The following NELFA variants were observed in gnomAD, a reference collection of about 807,000 sequenced individuals.
NELFA encodes the protein negative elongation factor complex member A.
A neutral mutation model predicts 51.8 loss-of-function variants in NELFA; 35 were observed. The observed-to-expected ratio is 0.68, with a 90% confidence interval of 0.52 to 0.90. NELFA has a LOEUF of 0.90. Ranked by LOEUF, NELFA falls within the 40% of genes least tolerant of loss-of-function variation. The pLI is 0.00. For missense variants in NELFA, 658 were observed against 746.4 expected (o/e 0.88, Z 1.38); for synonymous variants, 417 against 338.4 (o/e 1.23, Z -2.55).
intron 1 of NELFA, among the ~76,000 whole-genome samples, chr4:1,996,950 T>TA (rs147392757): frequency 0.023 from 3,422 of 150,758 alleles, 124 homozygotes; most frequent in African/African-American, 0.079. Flanking sequence ...ACAAAAAATT[T>TA]AAAAAAAAAG....
chr4:1,994,578 G>A (rs538210568), intron 1 of NELFA, among the ~76,000 whole-genome samples: 14 of 150,440 alleles, frequency 9.3e-5, no homozygotes, highest in South Asian at 2.1e-4. Context: ...AAAAAAAGCC[G>A]GGCATGGTGG....
At chr4:1,990,723 G>A (rs1315963169) in intron 2 of NELFA, among the ~76,000 whole-genome samples, 1 of 152,254 alleles carries the variant, frequency 6.6e-6, no homozygotes, top group Admixed American at 6.5e-5. Context: ...AGTTCCAATT[G>A]TCCAAAGCAG....
chr4:1,987,907 G>A lies in NELFA; in HGVS notation c.634+11C>T. The A allele has an allele frequency of 1.3e-6, 2 of 1,597,164 alleles. No individual in the cohort carries two copies. The highest frequency in any genetic ancestry group is 1.7e-6 in the Non-Finnish European group (2 of 1,173,096). On this transcript the variant is annotated intron_variant, in intron 4 of 10. Transcript: ENST00000382882. ...AAAGCAAGGCTCACGGCACCAGGGT[G>A]GGGGCCTTACTGGTGGTGTCCATCT...
intron 1 of NELFA, chr4:2,008,035 G>C: frequency 4.4e-6 from 2 of 456,938 alleles, no homozygotes; most frequent in Non-Finnish European, 8.8e-6. Flanking sequence ...GAGCGCTCCG[G>C]ACGGCCGGGG....
rs1193045147 is a variant in NELFA, at chr4:1,986,374, C to T, written c.663G>A (p.Ala221=). Residue 221 remains alanine, a synonymous_variant, in exon 5 of 11, where the codon GCG becomes GCA. Transcript: ENST00000382882. The part of the protein sequence containing the change: ...TTPLKGIPKQ[A]PFRSPTAPSV... ...TGGGCGCCGTGGGGCTTCTGAAGGGCGCCTGCTTCGGGATGCCTTTGAGTG... is the reference window on the plus strand; with the variant it reads ...TGGGCGCCGTGGGGCTTCTGAAGGGTGCCTGCTTCGGGATGCCTTTGAGTG... 8.1e-6 allele frequency: 13 copies of T among 1,610,818 alleles called. No individual in the cohort carries two copies. Among genetic ancestry groups the T allele is most frequent in the East Asian group, 4.5e-5 (2 of 44,770 alleles).
chr4:1,991,191 C>T (rs1728257671), intron 2 of NELFA, among the ~76,000 whole-genome samples: 1 of 152,208 alleles, frequency 6.6e-6, no homozygotes. Flanking sequence ...TACTCTGGGC[C>T]AGGGAATGCT....
chr4:2,002,885 G>C (rs746439254), intron 1 of NELFA, among the ~76,000 whole-genome samples: 1 of 152,160 alleles, frequency 6.6e-6, no homozygotes, highest in Non-Finnish European at 1.5e-5. Context: ...TGACAAATGG[G>C]ATCTAATTAA....
rs1472635772 is a variant in NELFA at position 1,986,352 on chromosome 4, G to A, written c.685C>T (p.Pro229Ser). The A allele has an allele frequency of 1.2e-6, 2 of 1,606,664 alleles. No individual in the cohort carries two copies. The highest frequency in any genetic ancestry group is 1.7e-6 in the Non-Finnish European group (2 of 1,177,084). ...KQAPFRSPTA[P>S]SVFSPTGNRT... ...TTCCCTGTGGGGCTGAAGACGCTGG[G>A]CGCCGTGGGGCTTCTGAAGGGCGCC... Residue 229 changes from proline to serine, a missense_variant, in exon 5 of 11, where the codon CCC becomes TCC. Around this residue, in one of 3 missense-constraint regions of NELFA, gnomAD observed 371 missense variants for 448.3 expected, o/e 0.83. Coordinates refer to ENST00000382882, the MANE Select transcript of NELFA (RefSeq NM_005663.5).
intron 1 of NELFA, among the ~76,000 whole-genome samples, chr4:2,005,647 GCGCCACTGC>G (rs1262030189): frequency 4.6e-5 from 7 of 152,098 alleles, no homozygotes; most frequent in Non-Finnish European, 8.8e-5. Flanking sequence ...AGCTGAGATC[GCGCCACTGC>G]TCTCCAGCCT....
chr4:2,006,808 C>T (rs1279496938), intron 1 of NELFA, among the ~76,000 whole-genome samples: 3 of 142,704 alleles, frequency 2.1e-5, no homozygotes, highest in African/African-American at 7.8e-5. Context: ...TTCCAGGAAG[C>T]TAAGTCAAAG....
chr4:1,984,375 T>G (rs1043081167), intron 8 of NELFA, among the ~76,000 whole-genome samples: 1 of 152,110 alleles, frequency 6.6e-6, no homozygotes, highest in Non-Finnish European at 1.5e-5. Flanking sequence ...CCCCATACCG[T>G]AGGCACTGCT....
intron 1 of NELFA, among the ~76,000 whole-genome samples, chr4:2,008,467 G>A (rs1398228500): frequency 6.6e-6 from 1 of 150,610 alleles, no homozygotes; most frequent in Non-Finnish European, 1.5e-5. Context: ...GATTCCCAGG[G>A]GGCGAGGAGG....
intron 1 of NELFA, among the ~76,000 whole-genome samples, chr4:1,993,461 C>T (rs1728336159): frequency 6.6e-6 from 1 of 152,006 alleles, no homozygotes; most frequent in African/African-American, 2.4e-5. Context: ...TTCCTGTAAT[C>T]CCAGCTACTT....
Position 2,008,972 on chromosome 4 carries a change from C to G in NELFA, c.-13G>C. On this transcript the variant is annotated 5_prime_UTR_variant, in exon 1 of 11. Transcript: ENST00000382882. ...GCATGGACGCCATCTTGGGGGAAAGCGCGCGCCGCTGCCCCGGCATCTTAT... is the reference window on the plus strand; with the variant it reads ...GCATGGACGCCATCTTGGGGGAAAGGGCGCGCCGCTGCCCCGGCATCTTAT... The G allele has an allele frequency of 6.4e-7, 1 of 1,552,102 alleles. No homozygotes were observed. The highest frequency in any genetic ancestry group is 2.4e-5 in the East Asian group (1 of 41,134).
At chr4:1,993,578 CAAAA>C (rs113717027) in intron 1 of NELFA, among the ~76,000 whole-genome samples, 11 of 109,888 alleles carry the variant, frequency 1.0e-4, no homozygotes, top group African/African-American at 3.7e-4. Context: ...AACTCCATCT[CAAAA>C]AAAAAAAAGA....
intron 1 of NELFA, among the ~76,000 whole-genome samples, chr4:1,995,079 C>T (rs771297346): frequency 7.2e-5 from 11 of 152,132 alleles, no homozygotes; most frequent in Non-Finnish European, 1.6e-4. Context: ...CTGAGTGAGG[C>T]GAGGGCCCTC....
chr4:1,995,814 GAGA>G (rs1728406101), intron 1 of NELFA, among the ~76,000 whole-genome samples: 1 of 150,662 alleles, frequency 6.6e-6, no homozygotes, highest in South Asian at 2.1e-4. Flanking sequence ...AGCATAAGCT[GAGA>G]AGGAGGAACA....
chr4:1,989,031 C>T lies in NELFA; in HGVS notation c.544+677G>A, dbSNP rs568275336. Among the ~76,000 whole-genome samples, 2 of 151,732 alleles carry T rather than the reference C, an allele frequency of 1.3e-5. No homozygotes were observed. Among genetic ancestry groups the T allele is most frequent in the South Asian group, 4.2e-4 (2 of 4,798 alleles). ...GGCAATCTTGGCTCACTGCAACCTC[C>T]GCCTCCCAGGTTCAAGTGATTCTCT... On this transcript the variant is annotated intron_variant, in intron 3 of 10. Coordinates refer to ENST00000382882, the MANE Select transcript of NELFA (RefSeq NM_005663.5). This position sits in a 1 kb window ranked among gnomAD's most constrained non-coding sequence, Gnocchi z 4.8.
At chr4:2,008,639 G>A (rs1490474925) in intron 1 of NELFA, 111 bp downstream of exon 1, 4 of 1,321,448 alleles carry the variant, frequency 3.0e-6, no homozygotes, top group South Asian at 1.4e-5. Context: ...ACAGTCTGAA[G>A]GGGGATGGGA....
Sources: gnomAD v4.1 joint callset for allele counts (sites outside exome capture counted in the v4.1 genomes callset) on GRCh38, gnomAD v4.1.1 for gene constraint, gnomAD v4.1.1 regional missense constraint, Gnocchi (gnomAD v3.1) non-coding constraint, MANE v1.5 for transcripts, NCBI Gene and HGNC (gene_info 2026-07-23, HGNC 2026-07-21) for gene names.